TNFRSF10C: variants seen among roughly 807,000 people sequenced by gnomAD.
TNFRSF10C encodes the protein tumor necrosis factor receptor superfamily member 10C.
TNFRSF10C carries 17 observed loss-of-function variants against 16.7 expected under a neutral mutation model. The observed-to-expected ratio is 1.02, with a 90% CI of 0.70 to 1.53. The LOEUF is 1.53. Ranked by LOEUF, TNFRSF10C falls within the 40% of genes most tolerant of loss-of-function variation. The probability of loss-of-function intolerance (pLI) is 0.00; values close to 1 mark genes in which losing one functional copy is unlikely to be tolerated. For synonymous variants in TNFRSF10C, 73 were observed against 119.7 expected, an observed-to-expected ratio of 0.61 and a Z score of 2.55; for missense variants, 237 against 329.7, an observed-to-expected ratio of 0.72 and a Z score of 2.18.
intron 1 of TNFRSF10C, among the ~76,000 whole-genome samples, chr8:23,105,376 C>G (rs1813757133): frequency 6.6e-6 from 1 of 152,230 alleles, no homozygotes; most frequent in Non-Finnish European, 1.5e-5. Flanking sequence ...CTCCATCCAG[C>G]AGAGGCTGCC....
rs200178922 is a variant in TNFRSF10C at position 23,116,977 on chromosome 8, A to G, written c.726A>G (p.Ser242=). The change falls in exon 5 of 5, where the codon TCA becomes TCG. Residue 242 remains serine, a synonymous_variant. Transcript: ENST00000356864. ...CTCCTGCCTCTTCTCATTACCTCTC[A>G]TGCACCATCGTAGGGATCATAGTTC... The part of the protein sequence containing the change: ...PGTPASSHYL[S]CTIVGIIVLI... The G allele has an allele frequency of 6.2e-7, 1 of 1,613,832 alleles. No individual in the cohort carries two copies. Among genetic ancestry groups the G allele is most frequent in the South Asian group, 1.1e-5 (1 of 91,076 alleles).
intron 1 of TNFRSF10C, among the ~76,000 whole-genome samples, chr8:23,110,130 TA>T (rs1813852789): frequency 6.9e-6 from 1 of 145,030 alleles, no homozygotes; most frequent in African/African-American, 2.6e-5. Flanking sequence ...GAAAGGATTT[TA>T]AAAAACACTA....
rs761836338 is a variant in TNFRSF10C, at chr8:23,103,074, C to G, written c.-48C>G. The stretch of plus-strand genomic sequence containing the variant: ...CAGAGCGCCCCGGCCGCCTGATGGC[C>G]GAGGCAGGGTGCGACCCAGGACCCA... On this transcript the variant is annotated 5_prime_UTR_variant, in exon 1 of 5. Coordinates refer to ENST00000356864, the MANE Select transcript of TNFRSF10C (RefSeq NM_003841.5). 2 of 1,593,812 alleles carry G rather than the reference C, an allele frequency of 1.3e-6. No individual in the cohort carries two copies. The highest frequency in any genetic ancestry group is 2.3e-5 in the South Asian group (2 of 87,692).
At chr8:23,106,121 G>C (rs1813770359) in intron 1 of TNFRSF10C, among the ~76,000 whole-genome samples, 2 of 152,208 alleles carry the variant, frequency 1.3e-5, no homozygotes, top group Non-Finnish European at 1.5e-5. Context: ...GAGAACACCT[G>C]TGCCTGGAGT....
chr8:23,116,627 C>T lies in TNFRSF10C; in HGVS notation c.390-14C>T. 1 of 1,608,880 alleles carries T rather than the reference C, an allele frequency of 6.2e-7. No homozygotes were observed. Among genetic ancestry groups the T allele is most frequent in the Non-Finnish European group, 8.5e-7 (1 of 1,176,616 alleles). ...CCCTCAGGAGTCCTCACCTCCCTCT[C>T]TGTGTGTACCCAGGTGCCCTAGTGG... is the stretch of plus-strand genomic sequence containing the variant. On this transcript the variant is annotated splice_polypyrimidine_tract_variant and intron_variant, in intron 4 of 4. Coordinates refer to ENST00000356864, the MANE Select transcript of TNFRSF10C (RefSeq NM_003841.5).
intron 2 of TNFRSF10C, among the ~76,000 whole-genome samples, chr8:23,113,899 T>A (rs1813927304): frequency 6.7e-6 from 1 of 149,626 alleles, no homozygotes; most frequent in Non-Finnish European, 1.5e-5. Flanking sequence ...GAGGTTGCAG[T>A]GAGCCGAGAT....
At chr8:23,105,221 C>T (rs1156413843) in intron 1 of TNFRSF10C, among the ~76,000 whole-genome samples, 1 of 152,236 alleles carries the variant, frequency 6.6e-6, no homozygotes, top group East Asian at 1.9e-4. Flanking sequence ...GTGGCCCCAG[C>T]TCCTGCCTGT....
intron 4 of TNFRSF10C, among the ~76,000 whole-genome samples, chr8:23,116,117 G>A (rs111461453): frequency 6.6e-6 from 1 of 152,254 alleles, no homozygotes; most frequent in Non-Finnish European, 1.5e-5. Flanking sequence ...TCCCATGAAG[G>A]CCTGAGCCAA....
intron 3 of TNFRSF10C, 57 bp downstream of exon 3, chr8:23,114,827 G>A: frequency 2.0e-6 from 3 of 1,487,330 alleles, no homozygotes; most frequent in East Asian, 4.5e-5. Flanking sequence ...TGAGGTGGGA[G>A]TTGTAGCCGA....
At chr8:23,113,394 T>G (rs1813916332) in intron 2 of TNFRSF10C, among the ~76,000 whole-genome samples, 1 of 152,242 alleles carries the variant, frequency 6.6e-6, no homozygotes. Context: ...ATGAAAATTT[T>G]CCCCTATGTA....
At chr8:23,114,863 C>A in intron 3 of TNFRSF10C, 93 bp downstream of exon 3, 1 of 1,006,024 alleles carries the variant, frequency 9.9e-7, no homozygotes, top group Non-Finnish European at 1.6e-6. Flanking sequence ...CAAGTTCCAG[C>A]CCAACCTGGT....
In TNFRSF10C at chr8:23,111,703, C is replaced by T; in HGVS notation, c.61-17C>T. The T allele has an allele frequency of 6.2e-7, 1 of 1,608,816 alleles. No homozygotes were observed. Among genetic ancestry groups the T allele is most frequent in the Non-Finnish European group, 8.5e-7 (1 of 1,175,720 alleles). ...GTCTGGAAGTCACTCACACCCATCA[C>T]TCCTTTGTCCCCACAGGTCCTAGCT... On this transcript the variant is annotated splice_polypyrimidine_tract_variant and intron_variant, in intron 1 of 4. Transcript: ENST00000356864.
Position 23,115,552 on chromosome 8 carries a change from T to C in TNFRSF10C, c.325T>C (p.Cys109Arg). 1.2e-6 allele frequency: 2 copies of C among 1,613,496 alleles called. No homozygotes were observed. Among genetic ancestry groups the C allele is most frequent in the Non-Finnish European group, 1.7e-6 (2 of 1,179,700 alleles). The part of the protein sequence containing the change: ...SSCTMTRDTV[C>R]QCKEGTFRNE... ...CTGCACCATGACCAGAGACACAGTG[T>C]GTCAGTGTAAAGAAGGCACCTTCCG... The change falls in exon 4 of 5, where the codon TGT (cysteine) becomes CGT (arginine). Residue 109 changes from cysteine to arginine, a missense_variant. This residue lies in a region of TNFRSF10C where 212 missense variants were observed against 196.8 expected (regional missense o/e 1.08). Transcript: ENST00000356864.
intron 2 of TNFRSF10C, 59 bp from the exon 3 acceptor site, chr8:23,114,598 C>A: frequency 1.4e-6 from 2 of 1,424,942 alleles, no homozygotes; most frequent in African/African-American, 1.4e-5. Flanking sequence ...TTCCCCACCA[C>A]TGTCAGCCTC....
At position 23,115,498 on chromosome 8, in the gene TNFRSF10C, C is replaced by G; in HGVS notation, c.281-10C>G. ...AAACACATTCCCAAAACCTTATGCTCTGTTGTCAGATCAAAAACATAAAAG... is the reference window on the plus strand; with the variant it reads ...AAACACATTCCCAAAACCTTATGCTGTGTTGTCAGATCAAAAACATAAAAG... On this transcript the variant is annotated splice_polypyrimidine_tract_variant and intron_variant, in intron 3 of 4. Transcript: ENST00000356864. The G allele has an allele frequency of 6.2e-7, 1 of 1,610,232 alleles. No homozygotes were observed. Among genetic ancestry groups the G allele is most frequent in the Non-Finnish European group, 8.5e-7 (1 of 1,177,172 alleles).
At chr8:23,112,176 A>T (rs906438172) in intron 2 of TNFRSF10C, among the ~76,000 whole-genome samples, 1 of 152,236 alleles carries the variant, frequency 6.6e-6, no homozygotes, top group Non-Finnish European at 1.5e-5. Context: ...GCAGATAAAA[A>T]GCAATGCAGT....
intron 1 of TNFRSF10C, among the ~76,000 whole-genome samples, chr8:23,106,198 G>A (rs1178231959): frequency 4.6e-5 from 5 of 108,940 alleles, no homozygotes; most frequent in Non-Finnish European, 8.7e-5. Flanking sequence ...GCAGTGTGGT[G>A]GGAGAGGTGA....
intron 1 of TNFRSF10C, 165 bp downstream of exon 1, chr8:23,103,346 G>A (rs1370463226): frequency 3.1e-6 from 4 of 1,308,268 alleles, no homozygotes; most frequent in South Asian, 1.3e-5. Context: ...CTGGGTCCCC[G>A]GGCTGGGCAG....
intron 1 of TNFRSF10C, among the ~76,000 whole-genome samples, chr8:23,107,550 G>T (rs1813802017): frequency 6.6e-6 from 1 of 152,170 alleles, no homozygotes; most frequent in African/African-American, 2.4e-5. Flanking sequence ...GTAAACACTT[G>T]AGTGTATACT....
Sources: gnomAD v4.1 joint callset for allele counts (sites outside exome capture counted in the v4.1 genomes callset) on GRCh38, gnomAD v4.1.1 for gene constraint, gnomAD v4.1.1 regional missense constraint, MANE v1.5 for transcripts, NCBI Gene and HGNC (gene_info 2026-07-23, HGNC 2026-07-21) for gene names.